The following DPP10 variants were observed in gnomAD, a reference collection of about 807,000 sequenced individuals.
The protein encoded by DPP10 is inactive dipeptidyl peptidase 10.
Under a neutral mutation model 120.9 loss-of-function variants are expected in DPP10, and 33 were observed. The observed-to-expected ratio is 0.27, with a 90% CI of 0.21 to 0.37. DPP10 has a LOEUF of 0.37. Ranked by LOEUF, DPP10 falls within the 10% of genes least tolerant of loss-of-function variation. The pLI, the probability that DPP10 is intolerant of heterozygous loss-of-function variation, is 1.00. For missense variants in DPP10, 816 were observed against 942.8 expected (o/e 0.87, Z 1.76); for synonymous variants, 337 against 326.1 (o/e 1.03, Z -0.36).
At chr2:115,835,547 A>G (rs1247532098) in intron 21 of DPP10, among the ~76,000 whole-genome samples, 2 of 152,170 alleles carry the variant, frequency 1.3e-5, no homozygotes, top group Non-Finnish European at 2.9e-5. Flanking sequence ...CCTTGTTTCT[A>G]GTATTCTTCC....
chr2:114,601,968 A>G (rs1692405723), intron 1 of DPP10, among the ~76,000 whole-genome samples: 1 of 152,006 alleles, frequency 6.6e-6, no homozygotes, highest in East Asian at 1.9e-4. Context: ...CTTTAAAAGT[A>G]GATGACTAGA....
intron 1 of DPP10, among the ~76,000 whole-genome samples, chr2:114,997,684 A>G (rs751725927): frequency 6.9e-4 from 105 of 152,170 alleles, no homozygotes; most frequent in Non-Finnish European, 1.3e-3. Flanking sequence ...AAATGATAAA[A>G]TCTAGAAATA....
intron 11 of DPP10, among the ~76,000 whole-genome samples, chr2:115,760,866 G>A (rs1421894012): frequency 1.3e-5 from 2 of 151,910 alleles, no homozygotes; most frequent in South Asian, 2.1e-4. Context: ...GGAGGCCAGT[G>A]TGGGCAGATC....
chr2:115,649,998 G>T (rs1015468763), intron 5 of DPP10, among the ~76,000 whole-genome samples: 4 of 151,932 alleles, frequency 2.6e-5, no homozygotes, highest in African/African-American at 9.7e-5. Flanking sequence ...CCAATTCAAT[G>T]AGTTTTTGGA....
intron 1 of DPP10, among the ~76,000 whole-genome samples, chr2:114,929,522 C>G (rs975960389): frequency 6.6e-6 from 1 of 152,160 alleles, no homozygotes. Flanking sequence ...GAAAAGAATT[C>G]AGAGATATTT....
intron 5 of DPP10, chr2:115,579,970 TC>T (rs982751061): frequency 6.6e-6 from 1 of 152,096 alleles, no homozygotes; most frequent in Non-Finnish European, 1.5e-5. Context: ...ATGCTCTCCC[TC>T]CCCCACTCCA....
At chr2:114,457,246 T>C (rs10194806) in intron 1 of DPP10, among the ~76,000 whole-genome samples, 19,540 of 152,180 alleles carry the variant, frequency 0.13, 3,020 homozygotes, top group African/African-American at 0.37. Flanking sequence ...TCAACCTCAG[T>C]GCTATTGACA....
At chr2:115,366,247 C>A (rs1418286025) in intron 3 of DPP10, among the ~76,000 whole-genome samples, 1 of 151,980 alleles carries the variant, frequency 6.6e-6, no homozygotes, top group African/African-American at 2.4e-5. Context: ...ACTTTCATCT[C>A]TTTTCACTAT....
intron 1 of DPP10, among the ~76,000 whole-genome samples, chr2:114,485,661 T>C (rs184113541): frequency 6.6e-6 from 1 of 152,126 alleles, no homozygotes; most frequent in East Asian, 1.9e-4. Flanking sequence ...GTCTTTATTG[T>C]GTCTCTTCTG....
intron 13 of DPP10, among the ~76,000 whole-genome samples, chr2:115,770,162 A>C (rs1015422803): frequency 1.5e-4 from 23 of 152,086 alleles, no homozygotes; most frequent in Admixed American, 1.5e-3. Context: ...TTCAACAAAT[A>C]AATAATAGAA....
intron 7 of DPP10, among the ~76,000 whole-genome samples, chr2:115,704,533 A>G (rs1054223690): frequency 2.6e-5 from 4 of 152,072 alleles, no homozygotes; most frequent in African/African-American, 9.6e-5. Flanking sequence ...CTGTAGCTCA[A>G]GGCAAAATGT....
At chr2:115,201,296 G>A (rs1366209654) in intron 1 of DPP10, among the ~76,000 whole-genome samples, 2 of 151,754 alleles carry the variant, frequency 1.3e-5, no homozygotes, top group Non-Finnish European at 2.9e-5. Flanking sequence ...AACCCCATCT[G>A]TACTAAAAAT....
At chr2:115,289,679 C>T (rs2105919595) in intron 1 of DPP10, among the ~76,000 whole-genome samples, 1 of 152,052 alleles carries the variant, frequency 6.6e-6, no homozygotes, top group East Asian at 1.9e-4. Flanking sequence ...GAATAGAGAA[C>T]CCAGACATAA....
At chr2:114,862,167 G>A (rs1205975888) in intron 1 of DPP10, among the ~76,000 whole-genome samples, 2 of 152,004 alleles carry the variant, frequency 1.3e-5, no homozygotes, top group African/African-American at 4.8e-5. Context: ...GCACTAGACA[G>A]AGATTGCAAA....
At chr2:114,778,018 T>C (rs562076336) in intron 1 of DPP10, among the ~76,000 whole-genome samples, 2 of 152,230 alleles carry the variant, frequency 1.3e-5, no homozygotes, top group Admixed American at 6.5e-5. Flanking sequence ...ATTCTGGATT[T>C]CAGTTTCAAG....
chr2:115,537,148 C>T (rs976420331), intron 5 of DPP10, among the ~76,000 whole-genome samples: 1 of 152,008 alleles, frequency 6.6e-6, no homozygotes, highest in African/African-American at 2.4e-5. Flanking sequence ...GCTTTGCATT[C>T]ATTTACAACA....
intron 1 of DPP10, among the ~76,000 whole-genome samples, chr2:114,666,929 A>G (rs1304670544): frequency 1.3e-5 from 2 of 152,086 alleles, no homozygotes; most frequent in African/African-American, 4.8e-5. Flanking sequence ...ACTTTTTTCT[A>G]TTTTCAAGCA....
intron 1 of DPP10, among the ~76,000 whole-genome samples, chr2:114,457,391 C>A (rs181317170): frequency 4.5e-4 from 68 of 152,256 alleles, no homozygotes; most frequent in African/African-American, 1.4e-3. Context: ...TTGCTAGTGT[C>A]CTCTCGGGAG....
rs1341790604 is a variant in DPP10, at chr2:114,735,358, G to T, written c.60+292520G>T. Among the ~76,000 whole-genome samples, 4 of 152,086 alleles carry T rather than the reference G, an allele frequency of 2.6e-5. No individual in the cohort carries two copies. The East Asian group carries it at 7.7e-4, about 29-fold the overall frequency. ...AATTTTTACTGCTTGCAAAAAGGCA[G>T]GCGTGAATTTCTTCTGTTGGGGTAG... On this transcript the variant is annotated intron_variant, in intron 1 of 25. Transcript: ENST00000410059.
Sources: allele counts gnomAD v4.1 joint callset (sites outside exome capture counted in the v4.1 genomes callset), GRCh38; gene constraint gnomAD v4.1.1; transcripts MANE v1.5; gene names NCBI Gene and HGNC (gene_info 2026-07-23, HGNC 2026-07-21).